The following VRK2 variants were observed in gnomAD, a reference collection of about 807,000 sequenced individuals.
VRK2 encodes the protein VRK serine/threonine kinase 2, also known as serine/threonine-protein kinase VRK2.
A neutral mutation model predicts 57.6 loss-of-function variants in VRK2; 60 were observed. That is an observed-to-expected ratio of 1.04 (90% confidence interval 0.85 to 1.29). The LOEUF (loss-of-function observed/expected upper bound fraction) is 1.29, where lower values mean the gene tolerates loss of function less well. Ranked by LOEUF, VRK2 falls within the 50% of genes most tolerant of loss-of-function variation. The probability of loss-of-function intolerance (pLI) is 0.00; values close to 1 mark genes in which losing one functional copy is unlikely to be tolerated. For synonymous variants in VRK2, 231 were observed against 199.2 expected, an observed-to-expected ratio of 1.16 and a Z score of -1.35; for missense variants, 705 against 588.1, an observed-to-expected ratio of 1.20 and a Z score of -2.06.
chr2:58,028,094 T>G (rs1673989618), intron 2 of VRK2, among the ~76,000 whole-genome samples: 1 of 152,184 alleles, frequency 6.6e-6, no homozygotes, highest in Admixed American at 6.5e-5. Context: ...GTCTTTAATC[T>G]AGATGGAAAA....
intron 1 of VRK2, among the ~76,000 whole-genome samples, chr2:57,942,759 G>A (rs546946559): frequency 6.6e-6 from 1 of 152,234 alleles, no homozygotes; most frequent in Non-Finnish European, 1.5e-5. Flanking sequence ...CAAATCAAAG[G>A]TTCAAATTTA....
chr2:57,979,776 T>C (rs1672364999), intron 1 of VRK2, among the ~76,000 whole-genome samples: 1 of 152,144 alleles, frequency 6.6e-6, no homozygotes. Flanking sequence ...TGGAAGGTTG[T>C]GTTTCCAGGA....
Position 58,159,547 on chromosome 2 carries a change from A to G in VRK2, c.1381A>G (p.Ile461Val), listed in dbSNP as rs1225222385. The stretch of plus-strand genomic sequence containing the variant: ...ATACACTTCCACAGTCAGCACGGGG[A>G]TCACAGACTTAGAAAGTTCAACTGG... ...YKYTSTVSTG[I>V]TDLESSTGLW... Residue 461 changes from isoleucine (I) to valine (V), a missense_variant, in exon 13 of 13, where the codon ATC becomes GTC. By Grantham distance (29) the Ile-to-Val change is conservative. Transcript: ENST00000340157. The G allele has an allele frequency of 6.2e-7, 1 of 1,613,830 alleles. No individual in the cohort carries two copies. The highest frequency in any genetic ancestry group is 8.5e-7 in the Non-Finnish European group (1 of 1,179,826).
intron 1 of VRK2, among the ~76,000 whole-genome samples, chr2:57,972,280 C>T (rs1672120628): frequency 6.6e-6 from 1 of 151,626 alleles, no homozygotes; most frequent in Non-Finnish European, 1.5e-5. Context: ...TATATTATGA[C>T]ATAATATTGA....
chr2:58,011,240 C>CT (rs1673409377), intron 1 of VRK2, among the ~76,000 whole-genome samples: 1 of 152,220 alleles, frequency 6.6e-6, no homozygotes, highest in East Asian at 1.9e-4. Flanking sequence ...AAGGGCAAAA[C>CT]TTCAGCCATA....
At chr2:57,982,161 C>T (rs577491030) in intron 1 of VRK2, among the ~76,000 whole-genome samples, 10 of 152,316 alleles carry the variant, frequency 6.6e-5, no homozygotes, top group African/African-American at 2.4e-4. Flanking sequence ...CAAGATTCAG[C>T]TCAGCACTCC....
chr2:58,129,657 T>C (rs569732342), intron 8 of VRK2, among the ~76,000 whole-genome samples: 1 of 152,204 alleles, frequency 6.6e-6, no homozygotes, highest in South Asian at 2.1e-4. Flanking sequence ...TTAAAATTAC[T>C]CCTCTGTGTA....
chr2:58,020,235 G>A (rs921894503), intron 1 of VRK2, among the ~76,000 whole-genome samples: 26 of 152,320 alleles, frequency 1.7e-4, no homozygotes, highest in African/African-American at 6.0e-4. Flanking sequence ...TTTAGAGACA[G>A]AGTCTTGCTC....
intron 1 of VRK2, among the ~76,000 whole-genome samples, chr2:57,958,514 CAT>C (rs1348552621): frequency 6.6e-6 from 1 of 151,398 alleles, no homozygotes; most frequent in African/African-American, 2.4e-5. Flanking sequence ...CTATATATCA[CAT>C]ATATATGATT....
upstream of VRK2, among the ~76,000 whole-genome samples, chr2:58,042,398 G>A (rs1464665931): frequency 3.9e-5 from 6 of 152,206 alleles, no homozygotes; most frequent in East Asian, 9.6e-4. Context: ...TAGCTGTTTA[G>A]AGATTGTAAG....
chr2:57,938,962 G>C (rs1671006011), intron 1 of VRK2, among the ~76,000 whole-genome samples: 2 of 152,082 alleles, frequency 1.3e-5, no homozygotes. Context: ...GCAATAATGA[G>C]ACATAATATT....
At chr2:57,998,139 G>A (rs1026816518) in intron 1 of VRK2, among the ~76,000 whole-genome samples, 1 of 152,122 alleles carries the variant, frequency 6.6e-6, no homozygotes, top group Non-Finnish European at 1.5e-5. Context: ...CCAAAAGGTG[G>A]GCAGGGTTGA....
chr2:58,133,677 GTA>G lies in VRK2; in HGVS notation c.798-1462_798-1461del, dbSNP rs1679545760. On this transcript the variant is annotated intron_variant, in intron 9 of 12. Transcript: ENST00000340157. Reference sequence around the variant, plus strand: ...TTAGTTGAATGTTTTTATAGGTTGTGTATTCCTTACTTGAAAGGCTTGGGACC... The same window carrying G: ...TTAGTTGAATGTTTTTATAGGTTGTGTTCCTTACTTGAAAGGCTTGGGACC... 2.0e-5 allele frequency among the ~76,000 whole-genome samples: 3 copies of G among 152,284 alleles called. No individual in the cohort carries two copies. In the South Asian group the frequency reaches 6.2e-4, roughly 32 times the overall value.
intron 2 of VRK2, among the ~76,000 whole-genome samples, chr2:58,051,534 A>C (rs1675745724): frequency 6.6e-6 from 1 of 152,186 alleles, no homozygotes; most frequent in Non-Finnish European, 1.5e-5. Flanking sequence ...CCTCTATATA[A>C]ATGAAGAGAA....
chr2:58,082,258 T>A (rs1172336536), intron 2 of VRK2, among the ~76,000 whole-genome samples: 4 of 151,940 alleles, frequency 2.6e-5, no homozygotes, highest in Non-Finnish European at 1.5e-5. Flanking sequence ...AGTCAGGCCT[T>A]GGACTGGTTG....
chr2:58,089,649 A>C lies in VRK2; in HGVS notation c.469A>C (p.Ile157Leu). ...GIRMLDVLEY[I>L]HENEYVHGDI... ...TTCACAGTTGGATGTACTGGAATAT[A>C]TACATGAAAATGAATATGTTCATGG... is the stretch of plus-strand genomic sequence containing the variant. Residue 157 changes from isoleucine to leucine, a missense_variant, in exon 7 of 13, where the codon ATA (isoleucine) becomes CTA (leucine). Physicochemically the swap from Ile to Leu is conservative, Grantham distance 5. Coordinates refer to ENST00000340157, the MANE Select transcript of VRK2 (RefSeq NM_006296.7). 3.7e-6 allele frequency: 6 copies of C among 1,602,932 alleles called. No individual in the cohort carries two copies. The highest frequency in any genetic ancestry group is 5.1e-6 in the Non-Finnish European group (6 of 1,173,106).
chr2:58,040,375 AAAAT>A (rs1226964854), intron 3 of VRK2, among the ~76,000 whole-genome samples: 1 of 152,234 alleles, frequency 6.6e-6, no homozygotes, highest in Admixed American at 6.5e-5. Context: ...TATCTAAAGA[AAAAT>A]AAATCTGAAT....
intron 1 of VRK2, among the ~76,000 whole-genome samples, chr2:57,924,638 A>G (rs1670472309): frequency 6.6e-6 from 1 of 152,146 alleles, no homozygotes; most frequent in South Asian, 2.1e-4. Flanking sequence ...ATAAGATCAC[A>G]TCATCTGCAA....
At chr2:58,028,903 A>AATATAT (rs58729342) in intron 2 of VRK2, among the ~76,000 whole-genome samples, 1,180 of 53,798 alleles carry the variant, frequency 0.022, 39 homozygotes, top group South Asian at 0.033. Context: ...TAAATAAATA[A>AATATAT]ATATATATAT....
Sources: gnomAD v4.1 joint callset for allele counts (sites outside exome capture counted in the v4.1 genomes callset) on GRCh38, gnomAD v4.1.1 for gene constraint, MANE v1.5 for transcripts, NCBI Gene and HGNC (gene_info 2026-07-23, HGNC 2026-07-21) for gene names.